Variants in PTPRG observed in about 807,000 individuals in gnomAD.
PTPRG encodes the protein receptor-type tyrosine-protein phosphatase gamma.
In PTPRG, 102 loss-of-function variants were observed where a neutral mutation model predicts 165.3. The observed-to-expected ratio is 0.62, with a 90% CI of 0.53 to 0.73. PTPRG has a LOEUF of 0.73. Ranked by LOEUF, PTPRG falls within the 30% of genes least tolerant of loss-of-function variation. The probability of loss-of-function intolerance (pLI) is 0.00; values close to 1 mark genes in which losing one functional copy is unlikely to be tolerated. For synonymous variants in PTPRG, 675 were observed against 669.5 expected (o/e 1.01, Z -0.13); for missense variants, 1,866 against 1,861.4 (o/e 1.00, Z -0.05).
intron 2 of PTPRG, among the ~76,000 whole-genome samples, chr3:61,857,105 CCT>C (rs1330083635): frequency 2.6e-5 from 4 of 151,476 alleles, no homozygotes; most frequent in Non-Finnish European, 5.9e-5. Context: ...TTTTTTACCC[CCT>C]CTCTCAACAT....
intron 2 of PTPRG, among the ~76,000 whole-genome samples, chr3:61,843,072 A>G (rs746344555): frequency 6.6e-6 from 1 of 152,196 alleles, no homozygotes; most frequent in African/African-American, 2.4e-5. Context: ...TTCCCACTTC[A>G]TAGAAGAAGT....
Position 62,201,530 on chromosome 3 carries a change from G to T in PTPRG, c.1353G>T (p.Gly451=). 3 of 1,611,690 alleles carry T rather than the reference G, an allele frequency of 1.9e-6. No homozygotes were observed. The highest frequency in any genetic ancestry group is 2.2e-5 in the South Asian group (2 of 90,478). The change falls in exon 11 of 30, where the codon GGG becomes GGT. Residue 451 remains glycine, a synonymous_variant. Coordinates refer to ENST00000474889, the MANE Select transcript of PTPRG (RefSeq NM_002841.4). ...FQANTTRIFQ[G]TRIVKTGVPT... ...CTAATACCACTCGAATATTCCAAGG[G>T]ACCAGAATAGTGAAAACAGGAGTGG...
chr3:62,115,445 C>G (rs143022867), intron 5 of PTPRG, among the ~76,000 whole-genome samples: 1 of 152,056 alleles, frequency 6.6e-6, no homozygotes, highest in South Asian at 2.1e-4. Context: ...GGTTACCACT[C>G]GATGAAAAGT....
At chr3:62,292,328 T>C in intron 28 of PTPRG, 93 bp from the exon 29 acceptor site, 1 of 1,353,016 alleles carries the variant, frequency 7.4e-7, no homozygotes, top group Non-Finnish European at 1.0e-6. Flanking sequence ...ACAGTCTACT[T>C]AGTTTCTATG....
rs200189646 is a variant in PTPRG, at chr3:62,074,352, C to CTTTTTTTTTTTTTTTTTTT, written c.520-3808_520-3790dup. Among the ~76,000 whole-genome samples the CTTTTTTTTTTTTTTTTTTT allele has an allele frequency of 7.3e-4, 80 of 109,110 alleles. 2 individuals are homozygous for CTTTTTTTTTTTTTTTTTTT. Among genetic ancestry groups the CTTTTTTTTTTTTTTTTTTT allele is most frequent in the Non-Finnish European group, 8.7e-4 (48 of 55,040 alleles). The allele number at this position is 109,110 out of a possible 152,430, so 71.6% of individuals were successfully genotyped here. On this transcript the variant is annotated intron_variant, in intron 4 of 29. Coordinates refer to ENST00000474889, the MANE Select transcript of PTPRG (RefSeq NM_002841.4). ...TTTTTTCCTTTCTTTTCTTTTCTTTCTTTTTTTTTTTTTTTTTTTTTGAGA... is the reference window on the plus strand; with the variant it reads ...TTTTTTCCTTTCTTTTCTTTTCTTTCTTTTTTTTTTTTTTTTTTTTTTTTTTTTTTTTTTTTTTTTGAGA...
At chr3:61,863,366 A>G (rs1312328358) in intron 2 of PTPRG, among the ~76,000 whole-genome samples, 3 of 152,232 alleles carry the variant, frequency 2.0e-5, no homozygotes, top group Non-Finnish European at 4.4e-5. Flanking sequence ...CTCTAAAATT[A>G]CTTCAACTTT....
chr3:61,708,053 T>TG (rs1185400322), intron 1 of PTPRG, among the ~76,000 whole-genome samples: 2 of 152,140 alleles, frequency 1.3e-5, no homozygotes, highest in African/African-American at 4.8e-5. Flanking sequence ...CCTCCCAAAA[T>TG]GCTGGGATTA....
chr3:61,634,497 A>G (rs1194369086), intron 1 of PTPRG, among the ~76,000 whole-genome samples: 1 of 151,156 alleles, frequency 6.6e-6, no homozygotes, highest in East Asian at 1.9e-4. Context: ...TTGACCTCCG[A>G]AAGTGTTGGG....
intron 2 of PTPRG, among the ~76,000 whole-genome samples, chr3:61,935,517 C>G (rs919097655): frequency 5.9e-5 from 9 of 152,012 alleles, no homozygotes; most frequent in Non-Finnish European, 1.2e-4. Context: ...TCTCCAGATG[C>G]AAAAAGAAAC....
intron 28 of PTPRG, among the ~76,000 whole-genome samples, chr3:62,289,592 T>C (rs180730013): frequency 3.0e-4 from 46 of 152,098 alleles, no homozygotes; most frequent in African/African-American, 9.9e-4. Context: ...TGTTAAGCTT[T>C]TGATATATTA....
chr3:61,571,516 A>G (rs907121004), intron 1 of PTPRG, among the ~76,000 whole-genome samples: 1 of 152,182 alleles, frequency 6.6e-6, no homozygotes, highest in African/African-American at 2.4e-5. Flanking sequence ...TAAGTAAGTA[A>G]TGCAATTAGT....
chr3:62,206,570 A>C (rs1452059058), intron 12 of PTPRG, among the ~76,000 whole-genome samples: 1 of 152,128 alleles, frequency 6.6e-6, no homozygotes, highest in Non-Finnish European at 1.5e-5. Flanking sequence ...GAGGCCCCCC[A>C]CAGCCCTTTC....
intron 1 of PTPRG, among the ~76,000 whole-genome samples, chr3:61,600,929 C>G (rs1332181380): frequency 6.6e-6 from 1 of 152,154 alleles, no homozygotes; most frequent in Non-Finnish European, 1.5e-5. Flanking sequence ...AATCTTACTT[C>G]AAATCTCAAT....
chr3:62,054,110 C>T (rs1217880539), intron 4 of PTPRG, among the ~76,000 whole-genome samples: 1 of 152,150 alleles, frequency 6.6e-6, no homozygotes, highest in African/African-American at 2.4e-5. Context: ...CCATCCTCTT[C>T]TGTCCCTTTT....
chr3:62,231,516 G>T (rs1053614778), intron 14 of PTPRG, among the ~76,000 whole-genome samples: 1 of 152,118 alleles, frequency 6.6e-6, no homozygotes, highest in Admixed American at 6.5e-5. Context: ...TATGTCCTGT[G>T]TGTGCTTGCT....
chr3:62,271,579 G>A lies in PTPRG; in HGVS notation c.3182+24G>A, dbSNP rs910689365. The A allele has an allele frequency of 1.9e-6, 3 of 1,601,664 alleles. No homozygotes were observed. The stretch of plus-strand genomic sequence containing the variant: ...AGGTAGGGTCTAGGATTCAACATGT[G>A]AAATAGATGGGGCAGGGGACTTAGG... On this transcript the variant is annotated intron_variant, in intron 21 of 29. Coordinates refer to ENST00000474889, the MANE Select transcript of PTPRG (RefSeq NM_002841.4). The surrounding 1 kb of genome is among the most constrained non-coding windows in gnomAD (Gnocchi z 4.1).
intron 1 of PTPRG, among the ~76,000 whole-genome samples, chr3:61,597,518 T>G (rs1225755396): frequency 6.6e-6 from 1 of 152,214 alleles, no homozygotes; most frequent in Non-Finnish European, 1.5e-5. Flanking sequence ...TCTATTAGTT[T>G]AGAATACCAC....
At chr3:62,095,385 G>A (rs1265456729) in intron 5 of PTPRG, among the ~76,000 whole-genome samples, 1 of 152,202 alleles carries the variant, frequency 6.6e-6, no homozygotes, top group Non-Finnish European at 1.5e-5. Context: ...GGATACAAAT[G>A]ACAGCAGTTA....
chr3:62,072,805 A>C (rs1483846356), intron 4 of PTPRG, among the ~76,000 whole-genome samples: 4 of 152,298 alleles, frequency 2.6e-5, no homozygotes. Context: ...TTTCTTAAAG[A>C]ATCAAACCCA....
Sources: allele counts gnomAD v4.1 joint callset (sites outside exome capture counted in the v4.1 genomes callset), GRCh38; gene constraint gnomAD v4.1.1; non-coding constraint Gnocchi (gnomAD v3.1); transcripts MANE v1.5; gene names NCBI Gene and HGNC (gene_info 2026-07-23, HGNC 2026-07-21).